Variants in KIAA1217 observed in about 807,000 individuals in gnomAD.
KIAA1217 encodes the protein KIAA1217.
KIAA1217 carries 88 observed loss-of-function variants against 163.9 expected under a neutral mutation model. The ratio of observed to expected loss-of-function variants is 0.54; its 90% CI spans 0.45 to 0.64. The LOEUF is 0.64. KIAA1217 is among the 30% of genes least tolerant of loss of function. The pLI, the probability that KIAA1217 is intolerant of heterozygous loss-of-function variation, is 0.00. For missense variants in KIAA1217, 2,372 were observed against 2,475.0 expected (o/e 0.96, Z 0.88); for synonymous variants, 903 against 923.1 (o/e 0.98, Z 0.39).
intron 11 of KIAA1217, among the ~76,000 whole-genome samples, chr10:24,520,689 A>ACACACACACACACACACACAC (rs763777354): frequency 9.7e-6 from 1 of 103,152 alleles, no homozygotes; most frequent in African/African-American, 4.3e-5. Context: ...CACACACACA[A>ACACACACACACACACACACAC]AAAAAAATTA....
chr10:23,907,294 G>T (rs992173057), intron 1 of KIAA1217, among the ~76,000 whole-genome samples: 1 of 147,006 alleles, frequency 6.8e-6, no homozygotes, highest in East Asian at 2.0e-4. Context: ...AATATGATTT[G>T]TGTGTGTGTG....
chr10:24,095,393 T>C (rs533283844), intron 2 of KIAA1217, among the ~76,000 whole-genome samples: 3 of 152,296 alleles, frequency 2.0e-5, no homozygotes, highest in African/African-American at 7.2e-5. Flanking sequence ...AGCCCTCTAA[T>C]GGTATTAATG....
intron 2 of KIAA1217, among the ~76,000 whole-genome samples, chr10:24,089,502 C>T: frequency 1.3e-5 from 1 of 75,222 alleles, no homozygotes; most frequent in East Asian, 2.1e-4. Flanking sequence ...CCAGTTTCAG[C>T]TTTCTACATG....
intron 2 of KIAA1217, among the ~76,000 whole-genome samples, chr10:24,043,543 A>G (rs1848769849): frequency 6.6e-6 from 1 of 152,158 alleles, no homozygotes; most frequent in South Asian, 2.1e-4. Flanking sequence ...ATGCTTGTAT[A>G]AAAAACAGAG....
chr10:23,890,688 T>C (rs1841381151), intron 1 of KIAA1217, among the ~76,000 whole-genome samples: 1 of 151,998 alleles, frequency 6.6e-6, no homozygotes, highest in African/African-American at 2.4e-5. Flanking sequence ...TGATGAGCAG[T>C]TGATGTGCCA....
At chr10:24,072,135 C>T (rs928917061) in intron 2 of KIAA1217, among the ~76,000 whole-genome samples, 2 of 152,110 alleles carry the variant, frequency 1.3e-5, no homozygotes, top group Non-Finnish European at 2.9e-5. Flanking sequence ...AAGCAATTCT[C>T]CTGCCTCAGC....
chr10:24,142,072 G>T (rs1224600108), intron 2 of KIAA1217, among the ~76,000 whole-genome samples: 7 of 148,406 alleles, frequency 4.7e-5, no homozygotes, highest in East Asian at 2.0e-4. Flanking sequence ...AGATTTTTTT[G>T]TTTTTTTTTT....
chr10:24,314,883 G>T (rs955796746), intron 2 of KIAA1217, among the ~76,000 whole-genome samples: 4 of 152,174 alleles, frequency 2.6e-5, no homozygotes, highest in African/African-American at 7.2e-5. Flanking sequence ...GGCAGAGCTT[G>T]CAGTGAACTG....
intron 1 of KIAA1217, among the ~76,000 whole-genome samples, chr10:24,006,902 C>T (rs1231681156): frequency 6.6e-6 from 1 of 152,202 alleles, no homozygotes; most frequent in African/African-American, 2.4e-5. Flanking sequence ...CAATTGGCCT[C>T]TCTTCATTTC....
intron 3 of KIAA1217, among the ~76,000 whole-genome samples, chr10:24,389,549 A>AT (rs1163317434): frequency 2.1e-5 from 3 of 143,312 alleles, no homozygotes; most frequent in Non-Finnish European, 3.0e-5. Flanking sequence ...TTAAAGTATA[A>AT]TAAAAAAAAA....
intron 9 of KIAA1217, among the ~76,000 whole-genome samples, chr10:24,502,442 G>A (rs545397019): frequency 3.9e-5 from 6 of 152,120 alleles, no homozygotes; most frequent in East Asian, 1.9e-4. Context: ...TAAACTCTAC[G>A]GGAATCAGGA....
chr10:24,096,323 A>G (rs773663602), intron 2 of KIAA1217, among the ~76,000 whole-genome samples: 2 of 151,818 alleles, frequency 1.3e-5, no homozygotes, highest in Non-Finnish European at 2.9e-5. Flanking sequence ...GAATCCATGT[A>G]TTTTCTCCTT....
chr10:23,802,374 A>G (rs941783058), intron 1 of KIAA1217, among the ~76,000 whole-genome samples: 5 of 152,236 alleles, frequency 3.3e-5, no homozygotes, highest in African/African-American at 1.2e-4. Context: ...TATTGTTCCA[A>G]TAGTACAACA....
chr10:23,727,525 A>C (rs1838232933), intron 1 of KIAA1217, among the ~76,000 whole-genome samples: 1 of 152,042 alleles, frequency 6.6e-6, no homozygotes, highest in African/African-American at 2.4e-5. Flanking sequence ...ACCCCACTGC[A>C]CTCCAGTCTG....
chr10:24,090,164 C>CTT (rs1162687231), intron 2 of KIAA1217, among the ~76,000 whole-genome samples: 86 of 109,230 alleles, frequency 7.9e-4, no homozygotes, highest in East Asian at 2.6e-3. Context: ...TTTTCTTTTT[C>CTT]TTTTTTTTTT....
In KIAA1217 at chr10:24,026,300, T is replaced by C. The variant is rs139100312; in HGVS notation, c.-171+18926T>C. ...TGGCCTCAGACTGAGTTAGAAAGTA[T>C]TCCCTCTGCTTCTATTTTCTGAGAG... On this transcript the variant is annotated intron_variant, in intron 2 of 18. Transcript: ENST00000376462. Among the ~76,000 whole-genome samples, 96 of 152,074 alleles carry C rather than the reference T, an allele frequency of 6.3e-4. 2 individuals are homozygous for C. The highest frequency in any genetic ancestry group is 1.4e-3 in the Admixed American group (22 of 15,244).
intron 1 of KIAA1217, among the ~76,000 whole-genome samples, chr10:23,939,570 T>C (rs914977183): frequency 2.0e-5 from 3 of 152,014 alleles, no homozygotes; most frequent in Non-Finnish European, 4.4e-5. Context: ...TAATGATAAA[T>C]GGATCAGTCA....
chr10:24,178,546 C>G lies in KIAA1217; in HGVS notation c.-170-41080C>G, dbSNP rs182881871. ...ACCACCTTTGATAACAGCCAGCTAC[C>G]ATATATTAGATTGTACCATTTTAAT... On this transcript the variant is annotated intron_variant, in intron 2 of 18. Transcript: ENST00000376462. Among the ~76,000 whole-genome samples, 11 of 152,322 alleles carry G rather than the reference C, an allele frequency of 7.2e-5. No individual in the cohort carries two copies. In the East Asian group the frequency reaches 2.1e-3, roughly 29 times the overall value.
At chr10:23,975,497 T>A (rs1845502165) in intron 1 of KIAA1217, among the ~76,000 whole-genome samples, 1 of 152,220 alleles carries the variant, frequency 6.6e-6, no homozygotes. Flanking sequence ...AACATTTCCT[T>A]GGTTCTGATT....
Sources: allele counts gnomAD v4.1 joint callset (sites outside exome capture counted in the v4.1 genomes callset), GRCh38; gene constraint gnomAD v4.1.1; transcripts MANE v1.5; gene names NCBI Gene and HGNC (gene_info 2026-07-23, HGNC 2026-07-21).